ATRNL1: variants seen among roughly 807,000 people sequenced by gnomAD.
The protein encoded by ATRNL1 is attractin like 1.
Under a neutral mutation model 182.7 loss-of-function variants are expected in ATRNL1, and 95 were observed. That is an observed-to-expected ratio of 0.52 (90% confidence interval 0.44 to 0.62). ATRNL1 has a LOEUF of 0.62. Among genes scored for constraint, ATRNL1 ranks in the 20% least tolerant of loss-of-function variants. The pLI is 0.00. For missense variants in ATRNL1, 1,471 were observed against 1,679.5 expected, an observed-to-expected ratio of 0.88 and a Z score of 2.17; for synonymous variants, 576 against 568.3, an observed-to-expected ratio of 1.01 and a Z score of -0.19.
intron 25 of ATRNL1, among the ~76,000 whole-genome samples, chr10:115,524,221 C>T (rs1190986359): frequency 1.3e-5 from 2 of 152,140 alleles, no homozygotes; most frequent in East Asian, 3.9e-4. Context: ...CCATTAAGCC[C>T]CACCTCTAAC....
chr10:115,118,970 C>A (rs1205376289), intron 1 of ATRNL1, among the ~76,000 whole-genome samples: 2 of 152,084 alleles, frequency 1.3e-5, no homozygotes, highest in African/African-American at 4.8e-5. Context: ...GTGCTTCAGA[C>A]TTCTCATCTG....
At chr10:115,794,925 T>C (rs11197449) in intron 27 of ATRNL1, among the ~76,000 whole-genome samples, 70,313 of 152,006 alleles carry the variant, frequency 0.46, 18,031 homozygotes, top group East Asian at 0.76. Context: ...TGAATAATAA[T>C]CTGTTACTAT....
At chr10:115,402,607 T>C (rs1844619607) in intron 20 of ATRNL1, among the ~76,000 whole-genome samples, 1 of 152,194 alleles carries the variant, frequency 6.6e-6, no homozygotes, top group Admixed American at 6.5e-5. Context: ...TTAGTCAAAA[T>C]TGATGAGTTG....
intron 26 of ATRNL1, among the ~76,000 whole-genome samples, chr10:115,564,428 A>G (rs1555000892): frequency 6.6e-6 from 1 of 151,942 alleles, no homozygotes; most frequent in East Asian, 1.9e-4. Flanking sequence ...TTCCTTGAGT[A>G]GCTAGAATTG....
intron 24 of ATRNL1, among the ~76,000 whole-genome samples, chr10:115,512,552 T>TA (rs1447553201): frequency 2.0e-5 from 3 of 151,500 alleles, no homozygotes; most frequent in African/African-American, 7.3e-5. Context: ...TTATTTATAA[T>TA]AATTTATTTA....
At chr10:115,551,124 G>C (rs4506550) in intron 26 of ATRNL1, among the ~76,000 whole-genome samples, 64,481 of 151,240 alleles carry the variant, frequency 0.43, 14,442 homozygotes, top group Middle Eastern at 0.53. Flanking sequence ...CTAGTCTTTT[G>C]AGCCCTATAA....
chr10:115,457,363 A>C (rs1319894315), intron 21 of ATRNL1, among the ~76,000 whole-genome samples: 1 of 151,882 alleles, frequency 6.6e-6, no homozygotes, highest in African/African-American at 2.4e-5. Flanking sequence ...CAATCGAGAG[A>C]GTGGGTGGGT....
chr10:115,536,021 G>A (rs190172863), intron 25 of ATRNL1, among the ~76,000 whole-genome samples: 3 of 151,674 alleles, frequency 2.0e-5, no homozygotes, highest in African/African-American at 4.9e-5. Context: ...TGCCCCTACT[G>A]GGGGGAGCCT....
rs1479041175 is a variant in ATRNL1 at position 115,945,522 on chromosome 10, C to A, written c.*743C>A. 6.6e-6 allele frequency: 1 copy of A among 152,090 alleles called. No homozygotes were observed. The allele number at this position is 152,090 out of a possible 1,614,324, so 9.4% of individuals were successfully genotyped here. ...AAGTCTGTCCAGCGATCAGTTGTTC[C>A]CCTCCTTCCAAAAACAGCCTCCAAT... On this transcript the variant is annotated 3_prime_UTR_variant, in exon 29 of 29. Transcript: ENST00000355044.
intron 27 of ATRNL1, among the ~76,000 whole-genome samples, chr10:115,747,342 A>G (rs964034954): frequency 6.6e-6 from 1 of 152,096 alleles, no homozygotes; most frequent in Non-Finnish European, 1.5e-5. Flanking sequence ...ATAGCATGTT[A>G]TCTTACTTGC....
At chr10:115,168,614 T>C (rs1554884830) in intron 7 of ATRNL1, among the ~76,000 whole-genome samples, 1 of 152,150 alleles carries the variant, frequency 6.6e-6, no homozygotes, top group African/African-American at 2.4e-5. Context: ...ATATTGTCTT[T>C]GGAGAAATGT....
chr10:115,297,855 T>C (rs1346610458), intron 15 of ATRNL1, among the ~76,000 whole-genome samples: 1 of 152,114 alleles, frequency 6.6e-6, no homozygotes, highest in African/African-American at 2.4e-5. Context: ...TGAAATGTGC[T>C]TTTTTGAGAT....
intron 21 of ATRNL1, among the ~76,000 whole-genome samples, chr10:115,445,728 TC>T (rs1476309088): frequency 2.0e-5 from 2 of 98,572 alleles, no homozygotes; most frequent in Non-Finnish European, 4.3e-5. Context: ...AACATTTTTA[TC>T]GCTCCAGAAA....
intron 26 of ATRNL1, among the ~76,000 whole-genome samples, chr10:115,701,865 A>T (rs535122265): frequency 1.9e-4 from 29 of 152,202 alleles, no homozygotes; most frequent in Admixed American, 2.6e-4. Context: ...ATTCTACTAG[A>T]CATACAAAGG....
At chr10:115,419,896 A>AT (rs1845573456) in intron 20 of ATRNL1, among the ~76,000 whole-genome samples, 1 of 152,192 alleles carries the variant, frequency 6.6e-6, no homozygotes, top group Non-Finnish European at 1.5e-5. Context: ...CTTCAGTGTC[A>AT]GACAACACTC....
intron 19 of ATRNL1, among the ~76,000 whole-genome samples, chr10:115,346,824 GGTT>G (rs1321017163): frequency 2.0e-5 from 3 of 152,022 alleles, no homozygotes; most frequent in African/African-American, 7.2e-5. Flanking sequence ...CCATTCTGTA[GGTT>G]GTGTTCACTT....
intron 26 of ATRNL1, among the ~76,000 whole-genome samples, chr10:115,587,242 C>T: frequency 6.6e-6 from 1 of 152,112 alleles, no homozygotes; most frequent in East Asian, 2.0e-4. Context: ...GTGGAGCCTA[C>T]AGAGACAGGC....
intron 24 of ATRNL1, among the ~76,000 whole-genome samples, chr10:115,516,005 C>CATCT (rs1253345556): frequency 6.6e-6 from 1 of 151,754 alleles, no homozygotes; most frequent in Non-Finnish European, 1.5e-5. Context: ...ATTTCTCCTG[C>CATCT]ATCTATTCTG....
intron 26 of ATRNL1, among the ~76,000 whole-genome samples, chr10:115,699,627 C>T (rs891973111): frequency 6.6e-6 from 1 of 151,948 alleles, no homozygotes; most frequent in Non-Finnish European, 1.5e-5. Context: ...TATAAAGGAC[C>T]ATTCACAGTC....
Sources: allele counts gnomAD v4.1 joint callset (sites outside exome capture counted in the v4.1 genomes callset), GRCh38; gene constraint gnomAD v4.1.1; transcripts MANE v1.5; gene names NCBI Gene and HGNC (gene_info 2026-07-23, HGNC 2026-07-21).